PLK1: variants seen among roughly 807,000 people sequenced by gnomAD.
The protein encoded by PLK1 is polo like kinase 1.
PLK1 carries 6 observed loss-of-function variants against 56.7 expected under a neutral mutation model. The ratio of observed to expected loss-of-function variants is 0.11; its 90% CI spans 0.06 to 0.21. PLK1 has a LOEUF of 0.21. PLK1 is among the 10% of genes least tolerant of loss of function. The pLI, the probability that PLK1 is intolerant of heterozygous loss-of-function variation, is 1.00. For synonymous variants in PLK1, 298 were observed against 325.0 expected (o/e 0.92, Z 0.89); for missense variants, 546 against 814.4 (o/e 0.67, Z 4.01).
At chr16:23,683,678 C>T (rs1383393586) in intron 4 of PLK1, among the ~76,000 whole-genome samples, 192 bp from the exon 5 acceptor site, 7 of 152,142 alleles carry the variant, frequency 4.6e-5, no homozygotes, top group African/African-American at 1.7e-4. Flanking sequence ...TCCATTGACC[C>T]TTCTGTCAAT....
chr16:23,686,061 C>T (rs62032992), intron 5 of PLK1, among the ~76,000 whole-genome samples: 38 of 152,078 alleles, frequency 2.5e-4, no homozygotes, highest in Non-Finnish European at 4.6e-4. Flanking sequence ...AAATTTGAGA[C>T]AGGGTCTTGC....
chr16:23,687,900 A>G (rs558880102), intron 6 of PLK1: 8 of 242,032 alleles, frequency 3.3e-5, no homozygotes, highest in Middle Eastern at 1.2e-3. Context: ...CCTTGAAATA[A>G]CAGACCCAGA....
intron 2 of PLK1, 100 bp from the exon 3 acceptor site, chr16:23,680,814 A>T (rs1300635311): frequency 2.6e-6 from 3 of 1,139,106 alleles, no homozygotes; most frequent in African/African-American, 1.6e-5. Flanking sequence ...GTGGGATCAG[A>T]TGGCCCTGGT....
chr16:23,679,625 A>C, intron 1 of PLK1: 1 of 400,178 alleles, frequency 2.5e-6, no homozygotes, highest in South Asian at 3.7e-5. Context: ...GGTGCTGGTA[A>C]TGGACGCTAG....
In PLK1 at chr16:23,690,349, T is replaced by G. The variant is rs984036530; in HGVS notation, c.*286T>G. Reference sequence around the variant, plus strand: ...GTCCTTTCCTTGGCTTTATGCACATTAAACAGATGTGAATATTCTTTTTCT... The same window carrying G: ...GTCCTTTCCTTGGCTTTATGCACATGAAACAGATGTGAATATTCTTTTTCT... On this transcript the variant is annotated 3_prime_UTR_variant, in exon 10 of 10. Transcript: ENST00000300093. 1.1e-5 allele frequency: 6 copies of G among 541,796 alleles called. No individual in the cohort carries two copies. The Admixed American group carries it at 1.3e-4, about 11-fold the overall frequency. 33.6% of individuals were successfully genotyped at this position (541,796 alleles called of 1,614,324 possible).
intron 5 of PLK1, among the ~76,000 whole-genome samples, chr16:23,685,405 A>G (rs1340049340): frequency 1.3e-5 from 2 of 152,080 alleles, no homozygotes; most frequent in East Asian, 1.9e-4. Context: ...TACCCTCCAG[A>G]GTAGCTAGGA....
At chr16:23,686,151 G>A (rs1959423876) in intron 5 of PLK1, among the ~76,000 whole-genome samples, 1 of 151,848 alleles carries the variant, frequency 6.6e-6, no homozygotes, top group Admixed American at 6.6e-5. Flanking sequence ...TGATCCTCCA[G>A]CCTCAGCCTC....
Position 23,682,107 on chromosome 16 carries a change from C to G in PLK1, c.766C>G (p.Leu256Val). 1 of 1,606,912 alleles carries G rather than the reference C, an allele frequency of 6.2e-7. No homozygotes were observed. Among genetic ancestry groups the G allele is most frequent in the Non-Finnish European group, 8.5e-7 (1 of 1,173,424 alleles). ...CAAACCACCTTTTGAGACTTCTTGC[C>G]TAAAAGAGACCTACCTCCGGATCAA... ...VGKPPFETSC[L>V]KETYLRIKKN... is the part of the protein sequence containing the mutation. The change falls in exon 4 of 10, where the codon CTA becomes GTA. Residue 256 changes from leucine to valine, a missense_variant. Physicochemically the swap from Leu to Val is conservative, Grantham distance 32. Coordinates refer to ENST00000300093, the MANE Select transcript of PLK1 (RefSeq NM_005030.6).
rs1959524929 is a variant in PLK1, at chr16:23,690,172, G to A, written c.*109G>A. On this transcript the variant is annotated 3_prime_UTR_variant, in exon 10 of 10. Coordinates refer to ENST00000300093, the MANE Select transcript of PLK1 (RefSeq NM_005030.6). ...GTCTGCAGTGTGCCCCCCAGCCCCGGTGGCTGGGCAGAGCTGCATCATCCT... is the reference window on the plus strand; with the variant it reads ...GTCTGCAGTGTGCCCCCCAGCCCCGATGGCTGGGCAGAGCTGCATCATCCT... The A allele has an allele frequency of 1.2e-6, 1 of 834,658 alleles. No homozygotes were observed. The highest frequency in any genetic ancestry group is 1.9e-5 in the Admixed American group (1 of 53,754). The allele number at this position is 834,658 out of a possible 1,614,324, so 51.7% of individuals were successfully genotyped here.
Position 23,678,912 on chromosome 16 carries a change from C to G in PLK1, c.-21C>G. 6.7e-7 allele frequency: 1 copy of G among 1,489,072 alleles called. No individual in the cohort carries two copies. Among genetic ancestry groups the G allele is most frequent in the African/African-American group, 1.4e-5 (1 of 71,694 alleles). The allele number at this position is 1,489,072 out of a possible 1,614,324, so 92.2% of individuals were successfully genotyped here. A position where few individuals can be genotyped will look rare whatever the true frequency, so the allele number is the denominator to read the frequency against. ...GCGGAGGCTCTGCTCGGATCGAGGTCTGCAGCGCAGCTTCGGGAGCATGAG... is the reference window on the plus strand; with the variant it reads ...GCGGAGGCTCTGCTCGGATCGAGGTGTGCAGCGCAGCTTCGGGAGCATGAG... On this transcript the variant is annotated 5_prime_UTR_variant, in exon 1 of 10. Coordinates refer to ENST00000300093, the MANE Select transcript of PLK1 (RefSeq NM_005030.6).
At chr16:23,680,009 C>A in intron 1 of PLK1, 75 bp from the exon 2 acceptor site, 1 of 1,053,328 alleles carries the variant, frequency 9.5e-7, no homozygotes, top group Non-Finnish European at 1.4e-6. Context: ...CTTCCTTTGC[C>A]TGGTAACCCT....
In PLK1 at chr16:23,683,986, T is replaced by C. The variant is rs1301931526; in HGVS notation, c.933T>C (p.Pro311=). Residue 311 remains proline, a synonymous_variant, in exon 5 of 10, where the codon CCT becomes CCC. Coordinates refer to ENST00000300093, the MANE Select transcript of PLK1 (RefSeq NM_005030.6). ...AGTTCTTTACTTCTGGCTATATCCC[T>C]GCCCGTCTCCCCATCACCTGCCTGA... is the stretch of plus-strand genomic sequence containing the variant. ...NDEFFTSGYI[P]ARLPITCLTI... is the part of the protein sequence containing the mutation. 6.2e-7 allele frequency: 1 copy of C among 1,614,198 alleles called. No homozygotes were observed. Among genetic ancestry groups the C allele is most frequent in the South Asian group, 1.1e-5 (1 of 91,092 alleles).
At position 23,690,210 on chromosome 16, in the gene PLK1, T is replaced by C; in HGVS notation, c.*147T>C. On this transcript the variant is annotated 3_prime_UTR_variant, in exon 10 of 10. Transcript: ENST00000300093. ...GCTGCATCATCCTTGCAGGTGGGGG[T>C]TGCTGTATAAGTTATTTTTGTACAT... is the stretch of plus-strand genomic sequence containing the variant. 3.0e-6 allele frequency: 2 copies of C among 672,416 alleles called. No individual in the cohort carries two copies. Among genetic ancestry groups the C allele is most frequent in the South Asian group, 1.7e-5 (1 of 58,440 alleles). The allele number at this position is 672,416 out of a possible 1,614,324, so 41.7% of individuals were successfully genotyped here.
chr16:23,689,138 C>A lies in PLK1; in HGVS notation c.1271-100C>A, dbSNP rs138817623. 1,273 of 1,060,802 alleles carry A rather than the reference C, an allele frequency of 1.2e-3. 21 individuals carry two copies. In the East Asian group the frequency reaches 0.023, roughly 19 times the overall value. The allele number at this position is 1,060,802 out of a possible 1,614,324, so 65.7% of individuals were successfully genotyped here. A position where few individuals can be genotyped will look rare whatever the true frequency, so the allele number is the denominator to read the frequency against. On this transcript the variant is annotated intron_variant, in intron 7 of 9. Transcript: ENST00000300093. This position sits in a 1 kb window ranked among gnomAD's most constrained non-coding sequence, Gnocchi z 4.8. ...GGCTCAAACAATCCTCCTCCCTCAG[C>A]CTCCCAAAGTGCTGGAATCACAGGC...
chr16:23,681,946 C>T (rs1340441634), intron 3 of PLK1, 118 bp from the exon 4 acceptor site: 1 of 655,664 alleles, frequency 1.5e-6, no homozygotes, highest in South Asian at 1.9e-5. Flanking sequence ...TTCAGGGGCC[C>T]CAGAGTTAGA....
chr16:23,685,298 A>G (rs367917950), intron 5 of PLK1, among the ~76,000 whole-genome samples: 6 of 151,994 alleles, frequency 3.9e-5, no homozygotes, highest in African/African-American at 1.4e-4. Context: ...TTTTTGAGAC[A>G]GGTCTCAGGA....
intron 2 of PLK1, among the ~76,000 whole-genome samples, chr16:23,680,513 A>T (rs894316401): frequency 2.6e-5 from 4 of 152,238 alleles, no homozygotes. Flanking sequence ...ATACGAGGAC[A>T]GCATTTTCTT....
rs201866340 is a variant in PLK1 at position 23,683,417 on chromosome 16, A to G, written c.817-453A>G. Among the ~76,000 whole-genome samples, 5 of 152,208 alleles carry G rather than the reference A, an allele frequency of 3.3e-5. No homozygotes were observed. The East Asian group carries it at 7.7e-4, about 23-fold the overall frequency. On this transcript the variant is annotated intron_variant, in intron 4 of 9. Transcript: ENST00000300093. ...GTGTGAAGCCAGGAGGCCTGTCACCATAAGGACAGACATAGTAAATCCATC... is the reference window on the plus strand; with the variant it reads ...GTGTGAAGCCAGGAGGCCTGTCACCGTAAGGACAGACATAGTAAATCCATC...
Position 23,689,169 on chromosome 16 carries a change from C to A in PLK1, c.1271-69C>A. 1 of 1,401,636 alleles carries A rather than the reference C, an allele frequency of 7.1e-7. No homozygotes were observed. The allele number at this position is 1,401,636 out of a possible 1,614,324, so 86.8% of individuals were successfully genotyped here. The stretch of plus-strand genomic sequence containing the variant: ...AAAGTGCTGGAATCACAGGCATGTG[C>A]CACCACGCCCGGTCCCACTCCCCAC... On this transcript the variant is annotated intron_variant, in intron 7 of 9. Coordinates refer to ENST00000300093, the MANE Select transcript of PLK1 (RefSeq NM_005030.6). This position sits in a 1 kb window ranked among gnomAD's most constrained non-coding sequence, Gnocchi z 4.8.
Sources: allele counts gnomAD v4.1 joint callset (sites outside exome capture counted in the v4.1 genomes callset), GRCh38; gene constraint gnomAD v4.1.1; non-coding constraint Gnocchi (gnomAD v3.1); transcripts MANE v1.5; gene names NCBI Gene and HGNC (gene_info 2026-07-23, HGNC 2026-07-21).